The following KPNA1 variants were observed in gnomAD, a reference collection of about 807,000 sequenced individuals.
KPNA1 encodes the protein karyopherin subunit alpha 1, also known as importin subunit alpha-5.
KPNA1 carries 10 observed loss-of-function variants against 70.5 expected under a neutral mutation model. The ratio of observed to expected loss-of-function variants is 0.14; its 90% confidence interval spans 0.09 to 0.24. The LOEUF is 0.24. Among genes scored for constraint, KPNA1 ranks in the 10% least tolerant of loss-of-function variants. The pLI is 1.00. For synonymous variants in KPNA1, 192 were observed against 221.9 expected (o/e 0.87, Z 1.20); for missense variants, 397 against 637.9 (o/e 0.62, Z 4.07).
In KPNA1 at chr3:122,503,256, C is replaced by CATAT. The variant is rs5852301; in HGVS notation, c.-5-6690_-5-6687dup. Among the ~76,000 whole-genome samples, 1,045 of 149,868 alleles carry CATAT rather than the reference C, an allele frequency of 7.0e-3. 5 individuals are homozygous for CATAT. Among genetic ancestry groups the CATAT allele is most frequent in the Middle Eastern group, 0.014 (4 of 294 alleles). On this transcript the variant is annotated intron_variant, in intron 1 of 13. Coordinates refer to ENST00000344337, the MANE Select transcript of KPNA1 (RefSeq NM_002264.4). Reference sequence around the variant, plus strand: ...AAAGCCAGTGTTGGAAGCATGCATACATATATATATATATAAAGAAAGAAA... The same window carrying CATAT: ...AAAGCCAGTGTTGGAAGCATGCATACATATATATATATATATATAAAGAAAGAAA...
intron 9 of KPNA1, among the ~76,000 whole-genome samples, chr3:122,448,894 T>C (rs2076169428): frequency 6.6e-6 from 1 of 152,248 alleles, no homozygotes; most frequent in Non-Finnish European, 1.5e-5. Context: ...ACTACATTAC[T>C]GATCTGCATC....
intron 10 of KPNA1, among the ~76,000 whole-genome samples, chr3:122,440,032 A>C (rs1576285462): frequency 1.3e-5 from 2 of 152,188 alleles, no homozygotes; most frequent in African/African-American, 4.8e-5. Flanking sequence ...ATAGGACTGA[A>C]ACTTGAGATA....
At chr3:122,472,873 GAGTTC>G (rs1272664842) in intron 2 of KPNA1, among the ~76,000 whole-genome samples, 1 of 152,086 alleles carries the variant, frequency 6.6e-6, no homozygotes, top group East Asian at 1.9e-4. Context: ...TTGAGATCAG[GAGTTC>G]AAGACCAGTG....
rs1272689615 is a variant in KPNA1, at chr3:122,422,247, T to TC, written c.*4737dup. 6.6e-6 allele frequency: 1 copy of TC among 151,770 alleles called. No homozygotes were observed. The highest frequency in any genetic ancestry group is 6.6e-5 in the Admixed American group (1 of 15,234). 9.4% of individuals were successfully genotyped at this position (151,770 alleles called of 1,614,324 possible). A position where few individuals can be genotyped will look rare whatever the true frequency, so the allele number is the denominator to read the frequency against. ...CACTGCTTCCTGAGGCAGTAATTCT[T>TC]CAAAGCCTTTCCTTCCGTGTCAATA... is the stretch of plus-strand genomic sequence containing the variant. On this transcript the variant is annotated 3_prime_UTR_variant, in exon 14 of 14. Transcript: ENST00000344337.
chr3:122,499,762 GAA>G (rs56295442), intron 1 of KPNA1, among the ~76,000 whole-genome samples: 7 of 116,946 alleles, frequency 6.0e-5, no homozygotes, highest in Admixed American at 1.8e-4. Context: ...GTCTCTTCAA[GAA>G]AAAAAAAAAA....
chr3:122,480,866 G>A (rs2076563616), intron 2 of KPNA1, among the ~76,000 whole-genome samples: 1 of 152,032 alleles, frequency 6.6e-6, no homozygotes, highest in South Asian at 2.1e-4. Context: ...GCGTGTGCCT[G>A]TAGTCCTAGC....
chr3:122,510,538 T>C (rs2076943605), intron 1 of KPNA1, among the ~76,000 whole-genome samples: 1 of 152,230 alleles, frequency 6.6e-6, no homozygotes, highest in African/African-American at 2.4e-5. Flanking sequence ...GTTACAATAT[T>C]GTAAACACTA....
rs2076180988 is a variant in KPNA1, at chr3:122,449,929, T to TA, written c.754-193dup. Among the ~76,000 whole-genome samples, 3 of 152,242 alleles carry TA rather than the reference T, an allele frequency of 2.0e-5. No homozygotes were observed. The South Asian group carries it at 6.2e-4, about 31-fold the overall frequency. On this transcript the variant is annotated intron_variant, in intron 8 of 13. Transcript: ENST00000344337. ...TTGTCAGTGATCTTGCACTAATCTGTAGTCAAAGCCCAAGGAAAATAATTT... is the reference window on the plus strand; with the variant it reads ...TTGTCAGTGATCTTGCACTAATCTGTAAGTCAAAGCCCAAGGAAAATAATTT...
intron 4 of KPNA1, among the ~76,000 whole-genome samples, chr3:122,463,347 CAAAAA>C (rs10575172): frequency 2.9e-5 from 4 of 136,012 alleles, no homozygotes; most frequent in Admixed American, 7.4e-5. Context: ...GACTCCATCT[CAAAAA>C]AAAAAAAAAA....
chr3:122,514,091 C>G (rs1429951608), intron 1 of KPNA1, among the ~76,000 whole-genome samples: 1 of 152,234 alleles, frequency 6.6e-6, no homozygotes, highest in East Asian at 1.9e-4. Flanking sequence ...CTCGCTGCTT[C>G]CCTCGCATCG....
At chr3:122,437,328 G>A (rs373163942) in intron 10 of KPNA1, 33 bp from the exon 11 acceptor site, 79 of 1,516,394 alleles carry the variant, frequency 5.2e-5, no homozygotes, top group Non-Finnish European at 6.7e-5. Flanking sequence ...TTTACTTATT[G>A]TATTGTTCTA....
At chr3:122,461,374 T>C in intron 4 of KPNA1, 56 bp from the exon 5 acceptor site, 5 of 1,198,480 alleles carry the variant, frequency 4.2e-6, no homozygotes, top group Non-Finnish European at 4.9e-6. Context: ...ATGCAAGAAC[T>C]TAACAGCTCA....
At chr3:122,506,745 G>C (rs1421874175) in intron 1 of KPNA1, among the ~76,000 whole-genome samples, 1 of 152,098 alleles carries the variant, frequency 6.6e-6, no homozygotes, top group Non-Finnish European at 1.5e-5. Context: ...TCCTTTGAGA[G>C]GTTTATCATA....
chr3:122,452,781 T>C (rs191783052), intron 6 of KPNA1, among the ~76,000 whole-genome samples: 163 of 140,456 alleles, frequency 1.2e-3, no homozygotes, highest in Middle Eastern at 3.6e-3. Context: ...GAAGGAGAGA[T>C]GGAGAGACGG....
At chr3:122,429,956 A>G (rs2075878800) in intron 12 of KPNA1, among the ~76,000 whole-genome samples, 1 of 151,976 alleles carries the variant, frequency 6.6e-6, no homozygotes, top group Non-Finnish European at 1.5e-5. Flanking sequence ...TCATTCATTC[A>G]TTCATTCATG....
chr3:122,483,767 G>A (rs1216412530), intron 2 of KPNA1, among the ~76,000 whole-genome samples: 1 of 152,154 alleles, frequency 6.6e-6, no homozygotes, highest in East Asian at 1.9e-4. Flanking sequence ...TTCTTAAGAG[G>A]TGAAATCATT....
chr3:122,452,729 G>A (rs1188319355), intron 6 of KPNA1, among the ~76,000 whole-genome samples: 1 of 142,682 alleles, frequency 7.0e-6, no homozygotes, highest in Non-Finnish European at 1.5e-5. Context: ...GAGGGAAGGA[G>A]AGACGGAGGG....
chr3:122,487,712 C>T (rs1022291918), intron 2 of KPNA1, among the ~76,000 whole-genome samples: 1 of 152,068 alleles, frequency 6.6e-6, no homozygotes, highest in Non-Finnish European at 1.5e-5. Flanking sequence ...AAATCAAAAT[C>T]ATGGAAACAG....
chr3:122,475,257 T>A (rs2076484379), intron 2 of KPNA1, among the ~76,000 whole-genome samples: 1 of 152,044 alleles, frequency 6.6e-6, no homozygotes, highest in Non-Finnish European at 1.5e-5. Context: ...CCATTTACAA[T>A]GGCTACAAAA....
Sources: allele counts gnomAD v4.1 joint callset (sites outside exome capture counted in the v4.1 genomes callset), GRCh38; gene constraint gnomAD v4.1.1; transcripts MANE v1.5; gene names NCBI Gene and HGNC (gene_info 2026-07-23, HGNC 2026-07-21).